PLA2G4A: variants seen among roughly 807,000 people sequenced by gnomAD.
PLA2G4A encodes cytosolic phospholipase A2.
A neutral mutation model predicts 81.9 loss-of-function variants in PLA2G4A; 40 were observed. The observed-to-expected ratio is 0.49, with a 90% CI of 0.38 to 0.64. The LOEUF (loss-of-function observed/expected upper bound fraction) is 0.64, where lower values mean the gene tolerates loss of function less well. Ranked by LOEUF, PLA2G4A falls within the 30% of genes least tolerant of loss-of-function variation. PLA2G4A has a pLI of 0.00. For missense variants in PLA2G4A, 715 were observed against 905.1 expected (o/e 0.79, Z 2.69); for synonymous variants, 302 against 296.9 (o/e 1.02, Z -0.18).
intron 5 of PLA2G4A, among the ~76,000 whole-genome samples, chr1:186,901,524 G>C (rs1004972997): frequency 6.6e-6 from 1 of 152,086 alleles, no homozygotes; most frequent in Admixed American, 6.6e-5. Flanking sequence ...TATAAACCTG[G>C]GAAGTGCTTA....
At chr1:186,980,073 G>A (rs1657669941) in intron 17 of PLA2G4A, among the ~76,000 whole-genome samples, 1 of 146,818 alleles carries the variant, frequency 6.8e-6, no homozygotes, top group Non-Finnish European at 1.5e-5. Flanking sequence ...TCAGCCTCCC[G>A]AGTAGCTGGG....
At chr1:186,854,256 G>A in intron 1 of PLA2G4A, 30 bp from the exon 2 acceptor site, 1 of 771,734 alleles carries the variant, frequency 1.3e-6, no homozygotes, top group Non-Finnish European at 2.3e-6. Flanking sequence ...CCAAGAGGAA[G>A]CTTAACAATA....
chr1:186,880,343 A>G (rs1161316975), intron 3 of PLA2G4A, among the ~76,000 whole-genome samples: 2 of 152,052 alleles, frequency 1.3e-5, no homozygotes, highest in African/African-American at 4.8e-5. Flanking sequence ...TGAGATTGAC[A>G]TAATCTGTCC....
chr1:186,850,785 C>T (rs1166045111), intron 1 of PLA2G4A, among the ~76,000 whole-genome samples: 2 of 152,020 alleles, frequency 1.3e-5, no homozygotes, highest in African/African-American at 2.4e-5. Context: ...AATAGGGCCA[C>T]AAAGTTTCAT....
intron 13 of PLA2G4A, among the ~76,000 whole-genome samples, chr1:186,953,764 G>A (rs1656647345): frequency 6.6e-6 from 1 of 152,136 alleles, no homozygotes; most frequent in Non-Finnish European, 1.5e-5. Flanking sequence ...GTTGACTGTT[G>A]GGTTTGTCCC....
chr1:186,933,851 A>G (rs1010341113), intron 8 of PLA2G4A, among the ~76,000 whole-genome samples: 1 of 152,130 alleles, frequency 6.6e-6, no homozygotes, highest in Non-Finnish European at 1.5e-5. Context: ...CAGGCTTTTG[A>G]TCTGTCATTC....
At chr1:186,946,426 ATCGTCTTGTCTTATTCACC>A (rs1274389373) in intron 10 of PLA2G4A, among the ~76,000 whole-genome samples, 192 bp from the exon 11 acceptor site, 1 of 143,826 alleles carries the variant, frequency 7.0e-6, no homozygotes, top group East Asian at 2.1e-4. Flanking sequence ...ATCTTTTTGT[ATCGTCTTGTCTTATTCACC>A]TCTAAGCGTT....
At chr1:186,909,482 G>A (rs1263101500) in intron 6 of PLA2G4A, among the ~76,000 whole-genome samples, 1 of 150,998 alleles carries the variant, frequency 6.6e-6, no homozygotes, top group Non-Finnish European at 1.5e-5. Context: ...CCAACATGGA[G>A]AAACCCTGTC....
intron 3 of PLA2G4A, among the ~76,000 whole-genome samples, chr1:186,884,077 G>A (rs575615270): frequency 9.2e-4 from 140 of 152,096 alleles, no homozygotes; most frequent in African/African-American, 2.6e-3. Context: ...TGAGGCTGGG[G>A]ATTAAAAAAT....
intron 2 of PLA2G4A, among the ~76,000 whole-genome samples, chr1:186,859,226 T>C (rs1437090516): frequency 6.6e-6 from 1 of 152,058 alleles, no homozygotes; most frequent in Non-Finnish European, 1.5e-5. Flanking sequence ...GCCAGCAAGC[T>C]CTCTTGCTTC....
intron 7 of PLA2G4A, among the ~76,000 whole-genome samples, chr1:186,922,384 G>T (rs1442286775): frequency 2.0e-5 from 3 of 152,174 alleles, no homozygotes; most frequent in Non-Finnish European, 4.4e-5. Flanking sequence ...AAATGGAGTG[G>T]GCAAGTTCCA....
At chr1:186,881,731 C>T (rs1653740826) in intron 3 of PLA2G4A, among the ~76,000 whole-genome samples, 1 of 151,980 alleles carries the variant, frequency 6.6e-6, no homozygotes, top group Admixed American at 6.6e-5. Context: ...TCCAAATAAA[C>T]AGGTTGGGGA....
intron 15 of PLA2G4A, among the ~76,000 whole-genome samples, chr1:186,973,352 C>A (rs964405590): frequency 1.3e-5 from 2 of 152,064 alleles, no homozygotes; most frequent in Non-Finnish European, 2.9e-5. Flanking sequence ...GTGTGCATGT[C>A]TTCTCTTGTA....
intron 3 of PLA2G4A, among the ~76,000 whole-genome samples, chr1:186,889,039 T>C (rs1654039232): frequency 6.6e-6 from 1 of 152,214 alleles, no homozygotes; most frequent in Non-Finnish European, 1.5e-5. Flanking sequence ...TCCTGAGCAC[T>C]GGTGATATGG....
chr1:186,956,323 G>A lies in PLA2G4A; in HGVS notation c.1558G>A (p.Glu520Lys). ...FATQDSFDDD[E>K]LDAAVADPDE... ...CACACAGGACTCCTTTGATGATGAT[G>A]AACTGGATGCAGCTGTAGCAGGTAA... is the stretch of plus-strand genomic sequence containing the variant. The change falls in exon 14 of 18, where the codon GAA (glutamate) becomes AAA (lysine). Residue 520 changes from glutamate (E) to lysine (K), a missense_variant. Transcript: ENST00000367466. 2.5e-6 allele frequency: 4 copies of A among 1,613,766 alleles called. No homozygotes were observed. The highest frequency in any genetic ancestry group is 2.5e-6 in the Non-Finnish European group (3 of 1,179,658).
Position 186,915,514 on chromosome 1 carries a change from T to TTTTCTTTTTTCACGGA in PLA2G4A, c.558+4125_558+4126insTTTCTTTTTTCACGGA, listed in dbSNP as rs1655105933. Reference sequence around the variant, plus strand: ...CATTATCTTTCTAATTTTTTATAGCTATGCTTCTCTTTTCACGGAAAGCAT... The same window carrying TTTTCTTTTTTCACGGA: ...CATTATCTTTCTAATTTTTTATAGCTTTTCTTTTTTCACGGAATGCTTCTCTTTTCACGGAAAGCAT... On this transcript the variant is annotated intron_variant, in intron 7 of 17. Transcript: ENST00000367466. Among the ~76,000 whole-genome samples the TTTTCTTTTTTCACGGA allele has an allele frequency of 5.9e-5, 9 of 152,324 alleles. No individual in the cohort carries two copies. The South Asian group carries it at 1.9e-3, about 32-fold the overall frequency.
chr1:186,929,451 T>C (rs1042329322), intron 7 of PLA2G4A, among the ~76,000 whole-genome samples: 1 of 152,242 alleles, frequency 6.6e-6, no homozygotes, highest in Non-Finnish European at 1.5e-5. Flanking sequence ...TTATAATTCA[T>C]GTTTCTGTAG....
chr1:186,911,549 G>A (rs1001884436), intron 7 of PLA2G4A, among the ~76,000 whole-genome samples, 160 bp downstream of exon 7: 4 of 152,092 alleles, frequency 2.6e-5, no homozygotes, highest in African/African-American at 9.7e-5. Context: ...AACTCTTTGA[G>A]GAAGGTCATC....
intron 3 of PLA2G4A, among the ~76,000 whole-genome samples, chr1:186,881,738 G>C (rs1653741318): frequency 6.6e-6 from 1 of 151,962 alleles, no homozygotes; most frequent in Non-Finnish European, 1.5e-5. Flanking sequence ...AAACAGGTTG[G>C]GGACAAACAC....
Sources: allele counts gnomAD v4.1 joint callset (sites outside exome capture counted in the v4.1 genomes callset), GRCh38; gene constraint gnomAD v4.1.1; transcripts MANE v1.5; gene names NCBI Gene and HGNC (gene_info 2026-07-23, HGNC 2026-07-21).